Variants in AGAP1 observed in about 807,000 individuals in gnomAD.
The protein encoded by AGAP1 is arf-GAP with GTPase, ANK repeat and PH domain-containing protein 1.
A neutral mutation model predicts 105.3 loss-of-function variants in AGAP1; 29 were observed. The observed-to-expected ratio is 0.28, with a 90% CI of 0.21 to 0.38. The LOEUF is 0.38. Ranked by LOEUF, AGAP1 falls within the 10% of genes least tolerant of loss-of-function variation. The probability of loss-of-function intolerance (pLI) is 1.00; values close to 1 mark genes in which losing one functional copy is unlikely to be tolerated. For synonymous variants in AGAP1, 509 were observed against 485.9 expected (o/e 1.05, Z -0.63); for missense variants, 998 against 1,165.1 (o/e 0.86, Z 2.09).
At position 235,707,472 on chromosome 2, in the gene AGAP1, A is replaced by ACCCCCCCCCCCCCCC. The variant is rs1250772330; in HGVS notation, c.164-1693_164-1692insCCCCCCCCCCCCCCC. 8.5e-4 allele frequency among the ~76,000 whole-genome samples: 19 copies of ACCCCCCCCCCCCCCC among 22,420 alleles called. 1 individual carries two copies. The highest frequency in any genetic ancestry group is 1.5e-3 in the Non-Finnish European group (11 of 7,458). 14.7% of individuals were successfully genotyped at this position (22,420 alleles called of 152,430 possible). A position where few individuals can be genotyped will look rare whatever the true frequency, so the allele number is the denominator to read the frequency against. On this transcript the variant is annotated intron_variant, in intron 1 of 17. Transcript: ENST00000304032. ...TTGCTGCACAGTTGCCCTCCCCATG[A>ACCCCCCCCCCCCCCC]CCCCCCCCCCCCCCGCCCAGAACAC...
intron 1 of AGAP1, among the ~76,000 whole-genome samples, chr2:235,648,267 T>C (rs1385237591): frequency 6.6e-6 from 1 of 152,134 alleles, no homozygotes; most frequent in East Asian, 1.9e-4. Context: ...TTCTTTCCTT[T>C]TTCTTTTGTC....
chr2:236,098,628 T>C (rs1461089773), intron 16 of AGAP1, among the ~76,000 whole-genome samples: 2 of 145,692 alleles, frequency 1.4e-5, no homozygotes, highest in African/African-American at 5.4e-5. Flanking sequence ...TCCTTTTTTT[T>C]TTTTTTTTTT....
At chr2:235,817,146 A>G (rs540211511) in intron 9 of AGAP1, among the ~76,000 whole-genome samples, 1 of 152,248 alleles carries the variant, frequency 6.6e-6, no homozygotes, top group African/African-American at 2.4e-5. Flanking sequence ...TTTGTTTAGA[A>G]ACAGCAACCG....
At chr2:235,649,191 C>T (rs746398797) in intron 1 of AGAP1, among the ~76,000 whole-genome samples, 11 of 152,050 alleles carry the variant, frequency 7.2e-5, no homozygotes, top group Non-Finnish European at 1.2e-4. Flanking sequence ...GGACGCTCCT[C>T]GGGGGAGGAT....
In AGAP1 at chr2:236,055,939, T is replaced by C. The variant is rs757181872; in HGVS notation, c.2114+6658T>C. Among the ~76,000 whole-genome samples, 1 of 152,194 alleles carries C rather than the reference T, an allele frequency of 6.6e-6. No individual in the cohort carries two copies. Among genetic ancestry groups the C allele is most frequent in the Admixed American group, 6.5e-5 (1 of 15,280 alleles). On this transcript the variant is annotated intron_variant, in intron 16 of 17. Coordinates refer to ENST00000304032, the MANE Select transcript of AGAP1 (RefSeq NM_001037131.3). This position sits in a 1 kb window ranked among gnomAD's most constrained non-coding sequence, Gnocchi z 6.2. ...GAGCTCAGGGCCCGGATCAGAAATA[T>C]TCTGCTATAAATATTAAGCCAATTA... is the stretch of plus-strand genomic sequence containing the variant.
At chr2:235,531,991 A>C (rs941096132) in intron 1 of AGAP1, among the ~76,000 whole-genome samples, 4 of 152,174 alleles carry the variant, frequency 2.6e-5, no homozygotes, top group Admixed American at 1.3e-4. Flanking sequence ...CCTGGCAGAC[A>C]CTTGTTTAAG....
intron 9 of AGAP1, among the ~76,000 whole-genome samples, chr2:235,835,789 T>G (rs1055972772): frequency 6.6e-6 from 1 of 152,180 alleles, no homozygotes; most frequent in African/African-American, 2.4e-5. Context: ...TATCAAAGAT[T>G]AAGGTAGAAA....
In AGAP1 at chr2:235,741,496, T is replaced by C. The variant is rs910422023; in HGVS notation, c.396+448T>C. ...TGGTAACTACAGGCATTGGCCCCTC[T>C]GTGCCGCCCTGGCCTTGGCCCAAGC... On this transcript the variant is annotated intron_variant, in intron 4 of 17. Transcript: ENST00000304032. The surrounding 1 kb of genome is among the most constrained non-coding windows in gnomAD (Gnocchi z 4.9). 1.3e-5 allele frequency among the ~76,000 whole-genome samples: 2 copies of C among 152,204 alleles called. No individual in the cohort carries two copies. Among genetic ancestry groups the C allele is most frequent in the African/African-American group, 4.8e-5 (2 of 41,470 alleles).
At position 235,706,191 on chromosome 2, in the gene AGAP1, T is replaced by C. The variant is rs180805796; in HGVS notation, c.164-2988T>C. Among the ~76,000 whole-genome samples the C allele has an allele frequency of 2.0e-5, 3 of 152,232 alleles. No homozygotes were observed. The East Asian group carries it at 5.8e-4, about 29-fold the overall frequency. On this transcript the variant is annotated intron_variant, in intron 1 of 17. Coordinates refer to ENST00000304032, the MANE Select transcript of AGAP1 (RefSeq NM_001037131.3). ...GAAATAGTCTCAGCCTTGACAAGCA[T>C]ATGCATATTTATTTTGTTTTGTTTT...
chr2:235,912,671 C>T (rs940311208), intron 11 of AGAP1, among the ~76,000 whole-genome samples: 5 of 152,156 alleles, frequency 3.3e-5, no homozygotes, highest in Non-Finnish European at 5.9e-5. Context: ...ATGATTCATT[C>T]GGTTGGTATA....
Position 235,942,258 on chromosome 2 carries a change from T to A in AGAP1, c.1483+11335T>A, listed in dbSNP as rs1042867590. 2.6e-5 allele frequency among the ~76,000 whole-genome samples: 4 copies of A among 152,128 alleles called. No homozygotes were observed. The East Asian group carries it at 7.8e-4, about 30-fold the overall frequency. ...CCCGCGATTCCCCTGGTTCCAGGAG[T>A]CCAGTAGCCACGGGTAGAGCCGTCA... is the stretch of plus-strand genomic sequence containing the variant. On this transcript the variant is annotated intron_variant, in intron 12 of 17. Transcript: ENST00000304032.
At chr2:235,878,082 C>T (rs896109661) in intron 9 of AGAP1, among the ~76,000 whole-genome samples, 164 of 152,304 alleles carry the variant, frequency 1.1e-3, no homozygotes, top group African/African-American at 3.9e-3. Context: ...GTGGCCTCTG[C>T]ACACTGCTGC....
At chr2:236,066,254 G>T (rs948763043) in intron 16 of AGAP1, among the ~76,000 whole-genome samples, 1 of 152,170 alleles carries the variant, frequency 6.6e-6, no homozygotes, top group African/African-American at 2.4e-5. Flanking sequence ...TTGAGACAGA[G>T]TCTCACTCTG....
At chr2:236,023,289 C>T (rs1030280029) in intron 13 of AGAP1, among the ~76,000 whole-genome samples, 3 of 152,114 alleles carry the variant, frequency 2.0e-5, no homozygotes, top group South Asian at 2.1e-4. Context: ...TTTGTCATCC[C>T]GGGTCCAGCC....
At chr2:235,978,875 T>C (rs1005918588) in intron 13 of AGAP1, among the ~76,000 whole-genome samples, 4 of 152,092 alleles carry the variant, frequency 2.6e-5, no homozygotes, top group Non-Finnish European at 4.4e-5. Context: ...TATGGCTTCC[T>C]TGCAAACAAG....
At chr2:235,506,692 T>G (rs751880232) in intron 1 of AGAP1, among the ~76,000 whole-genome samples, 1 of 152,054 alleles carries the variant, frequency 6.6e-6, no homozygotes, top group Non-Finnish European at 1.5e-5. Flanking sequence ...GGAAGCCGGG[T>G]CTGTATGGGC....
intron 15 of AGAP1, among the ~76,000 whole-genome samples, chr2:236,047,120 A>G (rs951363681): frequency 3.3e-5 from 5 of 152,148 alleles, no homozygotes; most frequent in South Asian, 2.1e-4. Flanking sequence ...AAAAAAGAGT[A>G]GTACTCAGTG....
In AGAP1 at chr2:236,003,516, G is replaced by C. The variant is rs185159595; in HGVS notation, c.1646-33045G>C. On this transcript the variant is annotated intron_variant, in intron 13 of 17. Transcript: ENST00000304032. The surrounding 1 kb of genome is among the most constrained non-coding windows in gnomAD (Gnocchi z 4.2). ...GAGGTGGACTCTGAGCACAGACAAG[G>C]GACCCATGGCCCAGAGCCCAGAGTC... Among the ~76,000 whole-genome samples, 39 of 152,308 alleles carry C rather than the reference G, an allele frequency of 2.6e-4. 1 individual carries two copies. Among genetic ancestry groups the C allele is most frequent in the African/African-American group, 8.9e-4 (37 of 41,570 alleles).
At chr2:235,859,393 TCCC>T (rs59735813) in intron 9 of AGAP1, among the ~76,000 whole-genome samples, 15 of 24,244 alleles carry the variant, frequency 6.2e-4, no homozygotes, top group South Asian at 4.3e-3. Flanking sequence ...CCCCACAACC[TCCC>T]CCCCCCCCCC....
Sources: allele counts gnomAD v4.1 joint callset (sites outside exome capture counted in the v4.1 genomes callset), GRCh38; gene constraint gnomAD v4.1.1; non-coding constraint Gnocchi (gnomAD v3.1); transcripts MANE v1.5; gene names NCBI Gene and HGNC (gene_info 2026-07-23, HGNC 2026-07-21).